BPTF: variants seen among roughly 807,000 people sequenced by gnomAD.
BPTF encodes the protein bromodomain PHD finger transcription factor, also known as nucleosome-remodeling factor subunit BPTF.
Under a neutral mutation model 292.5 loss-of-function variants are expected in BPTF, and 18 were observed. That is an observed-to-expected ratio of 0.06 (90% CI 0.04 to 0.09). The LOEUF (loss-of-function observed/expected upper bound fraction) is 0.09, where lower values mean the gene tolerates loss of function less well. BPTF is among the 10% of genes least tolerant of loss of function. The probability of loss-of-function intolerance (pLI) is 1.00; values close to 1 mark genes in which losing one functional copy is unlikely to be tolerated. For missense variants in BPTF, 2,726 were observed against 3,498.7 expected, an observed-to-expected ratio of 0.78 and a Z score of 5.57; for synonymous variants, 1,225 against 1,251.9, an observed-to-expected ratio of 0.98 and a Z score of 0.45.
intron 5 of BPTF, chr17:67,893,152 T>C: frequency 1.8e-6 from 1 of 556,988 alleles, no homozygotes; most frequent in African/African-American, 1.9e-5. Flanking sequence ...AGGTACTTAA[T>C]ATGTGTTAGT....
chr17:67,884,423 T>C (rs115210018), intron 4 of BPTF, among the ~76,000 whole-genome samples: 30,511 of 123,840 alleles, frequency 0.25, 3,841 homozygotes, highest in East Asian at 0.66. Context: ...GCCCCTCCCT[T>C]TTTTTTTTTT....
At chr17:67,981,864 TAAACACACAC>T (rs1478744345) in intron 27 of BPTF, 7 of 34,582 alleles carry the variant, frequency 2.0e-4, no homozygotes, top group African/African-American at 6.6e-4. Context: ...TCAATGTAAA[TAAACACACAC>T]ACACACACAC....
At chr17:67,882,154 G>A (rs1324144914) in intron 4 of BPTF, among the ~76,000 whole-genome samples, 2 of 152,026 alleles carry the variant, frequency 1.3e-5, no homozygotes, top group African/African-American at 4.8e-5. Flanking sequence ...CTTTTTAGCA[G>A]AATAAAATGT....
intron 18 of BPTF, among the ~76,000 whole-genome samples, chr17:67,932,606 T>C (rs560551085): frequency 5.5e-4 from 83 of 152,124 alleles, no homozygotes; most frequent in African/African-American, 1.9e-3. Context: ...GAGGCCGAGG[T>C]GGAAGAATCG....
chr17:67,966,338 A>T (rs1555687348), intron 25 of BPTF: 1 of 432,826 alleles, frequency 2.3e-6, no homozygotes, highest in East Asian at 4.5e-5. Flanking sequence ...TGTGACTTCT[A>T]AGCTTGTGCT....
chr17:67,840,874 A>G (rs937771995), intron 1 of BPTF, among the ~76,000 whole-genome samples: 1 of 151,976 alleles, frequency 6.6e-6, no homozygotes, highest in Non-Finnish European at 1.5e-5. Flanking sequence ...ATTTCTTATT[A>G]TTGAGTAGTA....
Position 67,982,996 on chromosome 17 carries a change from A to G in BPTF, c.*708A>G, listed in dbSNP as rs1357977233. On this transcript the variant is annotated 3_prime_UTR_variant, in exon 28 of 28. Transcript: ENST00000306378. ...CTGTTGCCTTGAATATAACAGTACA[A>G]TTTGTCAATTACTCTGCACCAGGCT... 2 of 152,330 alleles carry G rather than the reference A, an allele frequency of 1.3e-5. No individual in the cohort carries two copies. Among genetic ancestry groups the G allele is most frequent in the Non-Finnish European group, 2.9e-5 (2 of 68,028 alleles). 9.4% of individuals were successfully genotyped at this position (152,330 alleles called of 1,614,324 possible).
Position 67,945,851 on chromosome 17 carries a change from A to G in BPTF, c.7143A>G (p.Thr2381=), listed in dbSNP as rs1555674746. 4 of 1,614,000 alleles carry G rather than the reference A, an allele frequency of 2.5e-6. No individual in the cohort carries two copies. Among genetic ancestry groups the G allele is most frequent in the Non-Finnish European group, 3.4e-6 (4 of 1,180,012 alleles). ...TSQPIPIQPH[T]SLQIPSQGQP... Reference sequence around the variant, plus strand: ...AACCGATTCCAATTCAACCACATACATCTCTTCAGATACCTTCCCAAGGCC... The same window carrying G: ...AACCGATTCCAATTCAACCACATACGTCTCTTCAGATACCTTCCCAAGGCC... Residue 2381 remains threonine (T), a synonymous_variant, in exon 21 of 28, where the codon ACA becomes ACG. Coordinates refer to ENST00000306378, the MANE Select transcript of BPTF (RefSeq NM_182641.4).
chr17:67,904,811 A>T lies in BPTF; in HGVS notation c.2783A>T (p.Asn928Ile), dbSNP rs1181408262. The T allele has an allele frequency of 6.2e-6, 10 of 1,612,842 alleles. No individual in the cohort carries two copies. Among genetic ancestry groups the T allele is most frequent in the Non-Finnish European group, 8.5e-6 (10 of 1,179,278 alleles). Residue 928 changes from asparagine (N) to isoleucine (I), a missense_variant, in exon 9 of 28, where the codon AAT (asparagine) becomes ATT (isoleucine). Asn to Ile is a moderately radical substitution (Grantham distance 149). This residue lies in a region of BPTF where 99 missense variants were observed against 227.1 expected (regional missense o/e 0.44). Coordinates refer to ENST00000306378, the MANE Select transcript of BPTF (RefSeq NM_182641.4). ...RFVPKLPGNT[N>I]VNYRKSLEGT... ...GTTCCTAAATTGCCAGGCAATACTA[A>T]TGTGAATTACAGAAAGTCGTTAGAA...
intron 3 of BPTF, among the ~76,000 whole-genome samples, chr17:67,871,396 G>A (rs755973532): frequency 7.0e-6 from 1 of 143,696 alleles, no homozygotes; most frequent in Non-Finnish European, 1.5e-5. Context: ...AGCCGAGATC[G>A]TGCCACTGCC....
chr17:67,858,792 T>C (rs1016361815), intron 2 of BPTF, among the ~76,000 whole-genome samples: 1 of 152,212 alleles, frequency 6.6e-6, no homozygotes, highest in African/African-American at 2.4e-5. Context: ...CTCCCATTCC[T>C]GTGCCTTCCT....
At chr17:67,918,068 G>C (rs2147117121) in intron 11 of BPTF, among the ~76,000 whole-genome samples, 1 of 152,142 alleles carries the variant, frequency 6.6e-6, no homozygotes, top group Middle Eastern at 3.4e-3. Context: ...CAAAGTGCTG[G>C]GATTACAGGC....
chr17:67,883,892 C>A (rs954423938), intron 4 of BPTF, among the ~76,000 whole-genome samples: 11 of 152,180 alleles, frequency 7.2e-5, no homozygotes, highest in African/African-American at 2.7e-4. Context: ...AACCACCGCG[C>A]CCGGCTCGTT....
At chr17:67,927,569 A>T (rs941212008) in intron 15 of BPTF, among the ~76,000 whole-genome samples, 1 of 152,154 alleles carries the variant, frequency 6.6e-6, no homozygotes, top group African/African-American at 2.4e-5. Flanking sequence ...ACATGTTTTT[A>T]TAGTTGGATA....
At chr17:67,900,374 G>C (rs552502920) in intron 7 of BPTF, among the ~76,000 whole-genome samples, 12 of 152,062 alleles carry the variant, frequency 7.9e-5, no homozygotes, top group African/African-American at 2.7e-4. Flanking sequence ...CAAAGTGCTG[G>C]GATTACAGGC....
chr17:67,930,063 C>T (rs969737679), intron 17 of BPTF, among the ~76,000 whole-genome samples: 1 of 148,834 alleles, frequency 6.7e-6, no homozygotes, highest in Non-Finnish European at 1.5e-5. Context: ...TTGCAGTGAG[C>T]TGAGATTGTG....
At chr17:67,957,334 TC>T (rs1555681591) in intron 23 of BPTF, 1 of 152,220 alleles carries the variant, frequency 6.6e-6, no homozygotes, top group Non-Finnish European at 1.5e-5. Flanking sequence ...TAATTTATTT[TC>T]CTGAGAGACT....
intron 26 of BPTF, chr17:67,973,885 C>A (rs1175975361): frequency 6.6e-6 from 1 of 151,868 alleles, no homozygotes; most frequent in Non-Finnish European, 1.5e-5. Context: ...ATACTAGATA[C>A]AGTTAAATCT....
chr17:67,904,303 T>TA (rs1478881331), intron 8 of BPTF, among the ~76,000 whole-genome samples: 1 of 152,238 alleles, frequency 6.6e-6, no homozygotes, highest in Non-Finnish European at 1.5e-5. Flanking sequence ...GTGCTGGAAT[T>TA]ACAGGCATGA....
Sources: allele counts gnomAD v4.1 joint callset (sites outside exome capture counted in the v4.1 genomes callset), GRCh38; gene constraint gnomAD v4.1.1; regional missense constraint gnomAD v4.1.1; transcripts MANE v1.5; gene names NCBI Gene and HGNC (gene_info 2026-07-23, HGNC 2026-07-21).